The following OR51B5 variants were observed in gnomAD, a reference collection of about 807,000 sequenced individuals.
The protein encoded by OR51B5 is olfactory receptor family 51 subfamily B member 5.
For synonymous variants in OR51B5, 186 were observed against 144.8 expected, an observed-to-expected ratio of 1.28 and a Z score of -2.04; for missense variants, 456 against 374.6, an observed-to-expected ratio of 1.22 and a Z score of -1.79.
chr11:5,390,273 A>C lies in OR51B5; in HGVS notation n.85-43363T>G, dbSNP rs769141782. Reference sequence around the variant, plus strand: ...ATTCATCTTCTTATGGCCAATGTCTACCTTTTTGTGCCTCCCATGCTTAAC... The same window carrying C: ...ATTCATCTTCTTATGGCCAATGTCTCCCTTTTTGTGCCTCCCATGCTTAAC... On this transcript the variant is annotated intron_variant and non_coding_transcript_variant, in intron 1 of 4. Coordinates refer to the OR51B5 transcript ENST00000415970. The C allele has an allele frequency of 6.8e-6, 11 of 1,613,934 alleles. No homozygotes were observed. Among genetic ancestry groups the C allele is most frequent in the Non-Finnish European group, 9.3e-6 (11 of 1,179,886 alleles).
chr11:5,369,455 A>AT lies in OR51B5; in HGVS notation n.85-22546dup, dbSNP rs374227235. 1.4e-4 allele frequency among the ~76,000 whole-genome samples: 21 copies of AT among 152,276 alleles called. No homozygotes were observed. In the East Asian group the frequency reaches 2.9e-3, roughly 21 times the overall value. Reference sequence around the variant, plus strand: ...ACTCTATGAAACAGACTTTTTATATATTTTTTCTGGATAAAAAATAAAATC... The same window carrying AT: ...ACTCTATGAAACAGACTTTTTATATATTTTTTTCTGGATAAAAAATAAAATC... On this transcript the variant is annotated intron_variant and non_coding_transcript_variant, in intron 1 of 4. Coordinates refer to the OR51B5 transcript ENST00000415970.
intron 1 of OR51B5, among the ~76,000 whole-genome samples, chr11:5,372,526 C>T (rs530412930): frequency 6.6e-6 from 1 of 152,096 alleles, no homozygotes; most frequent in Non-Finnish European, 1.5e-5. Flanking sequence ...ATGTAGTGCA[C>T]CTTTTCATAT....
At chr11:5,402,635 G>A (rs868160249) in intron 1 of OR51B5, 7 of 471,086 alleles carry the variant, frequency 1.5e-5, no homozygotes, top group Non-Finnish European at 2.6e-5. Context: ...TTTTACCTAC[G>A]ACTTTCATTT....
At chr11:5,368,933 C>T (rs1849412814) in intron 1 of OR51B5, among the ~76,000 whole-genome samples, 1 of 152,112 alleles carries the variant, frequency 6.6e-6, no homozygotes. Context: ...CTTTTTCTTT[C>T]CGGATCATGC....
intron 1 of OR51B5, among the ~76,000 whole-genome samples, chr11:5,470,335 A>G (rs1254336705): frequency 2.6e-5 from 4 of 152,204 alleles, no homozygotes; most frequent in Non-Finnish European, 5.9e-5. Flanking sequence ...GGGAGTTACT[A>G]TCGTAGAAAA....
At chr11:5,460,289 G>T (rs1851028830) in intron 1 of OR51B5, among the ~76,000 whole-genome samples, 2 of 152,070 alleles carry the variant, frequency 1.3e-5, no homozygotes, top group Non-Finnish European at 2.9e-5. Flanking sequence ...TAACTATTGG[G>T]TACTAGGCAT....
chr11:5,344,021 G>T (rs187576865), upstream of OR51B5, among the ~76,000 whole-genome samples: 2 of 152,300 alleles, frequency 1.3e-5, no homozygotes, highest in Admixed American at 1.3e-4. Flanking sequence ...AGTCTCAACA[G>T]CCTAAGAAAG....
At chr11:5,431,940 T>C (rs1226320898) in intron 1 of OR51B5, among the ~76,000 whole-genome samples, 2 of 152,256 alleles carry the variant, frequency 1.3e-5, no homozygotes, top group Non-Finnish European at 2.9e-5. Flanking sequence ...AGTGACATTG[T>C]GTCACATGCA....
chr11:5,429,957 T>G (rs1589992315), intron 1 of OR51B5, among the ~76,000 whole-genome samples: 1 of 152,218 alleles, frequency 6.6e-6, no homozygotes, highest in Admixed American at 6.5e-5. Flanking sequence ...CTGTTCATTC[T>G]CAGAGTGTCG....
intron 1 of OR51B5, among the ~76,000 whole-genome samples, chr11:5,474,330 A>AAC (rs1260663442): frequency 6.6e-6 from 1 of 152,070 alleles, no homozygotes; most frequent in Non-Finnish European, 1.5e-5. Context: ...TACTCCCCCC[A>AAC]ACACACACAC....
chr11:5,467,986 T>G (rs932115191), intron 1 of OR51B5, among the ~76,000 whole-genome samples: 8 of 152,230 alleles, frequency 5.3e-5, no homozygotes, highest in African/African-American at 9.6e-5. Flanking sequence ...TTTGTTCCAT[T>G]TTACAGAACT....
intron 1 of OR51B5, among the ~76,000 whole-genome samples, chr11:5,503,126 A>T (rs2055658115): frequency 6.6e-6 from 1 of 152,200 alleles, no homozygotes; most frequent in South Asian, 2.1e-4. Context: ...CTGTGTAGTG[A>T]ATTTTTCTAT....
chr11:5,444,067 T>C (rs924154700), intron 1 of OR51B5, among the ~76,000 whole-genome samples: 1 of 152,164 alleles, frequency 6.6e-6, no homozygotes, highest in Non-Finnish European at 1.5e-5. Context: ...TCAAATATTC[T>C]CTTATTTTTA....
At chr11:5,492,561 GAC>G (rs1053308239) in intron 1 of OR51B5, among the ~76,000 whole-genome samples, 3 of 152,118 alleles carry the variant, frequency 2.0e-5, no homozygotes, top group African/African-American at 7.2e-5. Flanking sequence ...GGCAAGACAA[GAC>G]ACACTTTCTG....
At chr11:5,480,306 C>A (rs1851397712) in intron 1 of OR51B5, among the ~76,000 whole-genome samples, 1 of 151,276 alleles carries the variant, frequency 6.6e-6, no homozygotes, top group Non-Finnish European at 1.5e-5. Context: ...TCTTTGAAAC[C>A]AACGAGAACA....
At chr11:5,344,344 T>C (rs573879594), upstream of OR51B5, among the ~76,000 whole-genome samples, 58 of 152,346 alleles carry the variant, frequency 3.8e-4, no homozygotes, top group African/African-American at 1.4e-3. Context: ...CTTTTTCTTT[T>C]TAAATTATTT....
intron 1 of OR51B5, chr11:5,440,830 C>G (rs759029483): frequency 6.2e-7 from 1 of 1,613,794 alleles, no homozygotes; most frequent in Non-Finnish European, 8.5e-7. Context: ...GATATGATGA[C>G]CAGCATGGCT....
At chr11:5,375,926 T>C (rs1849520237) in intron 1 of OR51B5, among the ~76,000 whole-genome samples, 1 of 151,936 alleles carries the variant, frequency 6.6e-6, no homozygotes, top group South Asian at 2.1e-4. Flanking sequence ...AACAAGGATA[T>C]CCAGGAATTG....
chr11:5,498,514 A>G (rs545500211), intron 1 of OR51B5, among the ~76,000 whole-genome samples: 1 of 152,224 alleles, frequency 6.6e-6, no homozygotes, highest in African/African-American at 2.4e-5. Context: ...TGTCTTCTTC[A>G]AGGTAAAAAA....
Sources: allele counts gnomAD v4.1 joint callset (sites outside exome capture counted in the v4.1 genomes callset), GRCh38; gene constraint gnomAD v4.1.1; transcripts MANE v1.5; gene names NCBI Gene and HGNC (gene_info 2026-07-23, HGNC 2026-07-21).